Variants in APBB1IP observed in about 807,000 individuals in gnomAD.
APBB1IP encodes the protein amyloid beta A4 precursor protein-binding family B member 1-interacting protein.
Under a neutral mutation model 64.9 loss-of-function variants are expected in APBB1IP, and 27 were observed. The observed-to-expected ratio is 0.42, with a 90% CI of 0.31 to 0.57. APBB1IP has a LOEUF of 0.57. Among genes scored for constraint, APBB1IP ranks in the 20% least tolerant of loss-of-function variants. APBB1IP has a pLI of 0.20. For missense variants in APBB1IP, 812 were observed against 845.5 expected (o/e 0.96, Z 0.49); for synonymous variants, 392 against 331.0 (o/e 1.18, Z -2.00).
At chr10:26,489,087 C>T (rs561641378) in intron 2 of APBB1IP, among the ~76,000 whole-genome samples, 1 of 152,334 alleles carries the variant, frequency 6.6e-6, no homozygotes, top group East Asian at 1.9e-4. Flanking sequence ...CAAGACACCT[C>T]CTACACTGGA....
intron 7 of APBB1IP, among the ~76,000 whole-genome samples, chr10:26,512,447 G>C (rs1836273077): frequency 6.6e-6 from 1 of 152,118 alleles, no homozygotes; most frequent in African/African-American, 2.4e-5. Context: ...CCTCCCACAA[G>C]TGCTCATTTC....
At chr10:26,505,391 T>C (rs1353639717) in intron 6 of APBB1IP, among the ~76,000 whole-genome samples, 1 of 152,172 alleles carries the variant, frequency 6.6e-6, no homozygotes, top group Admixed American at 6.5e-5. Flanking sequence ...AGTCCATCAT[T>C]GGAACTCCAC....
At chr10:26,473,580 C>G (rs1026735920) in intron 2 of APBB1IP, among the ~76,000 whole-genome samples, 6 of 152,216 alleles carry the variant, frequency 3.9e-5, no homozygotes. Flanking sequence ...CAATTGGATC[C>G]TGCTTCACTC....
At chr10:26,476,964 C>T (rs900175699) in intron 2 of APBB1IP, among the ~76,000 whole-genome samples, 2 of 152,060 alleles carry the variant, frequency 1.3e-5, no homozygotes, top group Non-Finnish European at 2.9e-5. Context: ...CCATGCCTGG[C>T]TAATTTTTGT....
At chr10:26,461,973 G>T (rs1026702991) in intron 2 of APBB1IP, among the ~76,000 whole-genome samples, 4 of 152,106 alleles carry the variant, frequency 2.6e-5, no homozygotes, top group Non-Finnish European at 5.9e-5. Flanking sequence ...CTCTTGAATT[G>T]TTTATGTAGA....
chr10:26,476,712 G>A (rs1289893666), intron 2 of APBB1IP, among the ~76,000 whole-genome samples: 3 of 152,102 alleles, frequency 2.0e-5, no homozygotes, highest in African/African-American at 2.4e-5. Context: ...CTCAGTAAAT[G>A]TTATGTGATT....
At chr10:26,497,227 A>G (rs962015812) in intron 4 of APBB1IP, among the ~76,000 whole-genome samples, 2 of 151,980 alleles carry the variant, frequency 1.3e-5, no homozygotes, top group African/African-American at 2.4e-5. Context: ...TTAAATGGAG[A>G]CATCTTTAGG....
intron 2 of APBB1IP, among the ~76,000 whole-genome samples, chr10:26,478,277 G>A (rs1035128950): frequency 1.3e-5 from 2 of 152,202 alleles, no homozygotes; most frequent in African/African-American, 2.4e-5. Flanking sequence ...CACAGGGTTC[G>A]AGTTACAGCT....
At chr10:26,491,997 G>C (rs571039113) in intron 2 of APBB1IP, among the ~76,000 whole-genome samples, 1 of 152,202 alleles carries the variant, frequency 6.6e-6, no homozygotes, top group Admixed American at 6.5e-5. Flanking sequence ...CCTGACCTCA[G>C]GTGATCTGCC....
intron 2 of APBB1IP, among the ~76,000 whole-genome samples, chr10:26,483,429 C>T (rs1016225307): frequency 6.6e-6 from 1 of 152,138 alleles, no homozygotes; most frequent in African/African-American, 2.4e-5. Context: ...ATGCACGTAA[C>T]GCACCAGGAC....
At chr10:26,467,891 C>T (rs1057084413) in intron 2 of APBB1IP, among the ~76,000 whole-genome samples, 7 of 152,168 alleles carry the variant, frequency 4.6e-5, no homozygotes, top group Admixed American at 4.6e-4. Context: ...GTCTCGTAAT[C>T]GCTTATGAGA....
chr10:26,520,507 C>CAAATAA (rs1483862125), intron 8 of APBB1IP, among the ~76,000 whole-genome samples: 3 of 152,204 alleles, frequency 2.0e-5, no homozygotes. Context: ...TAACAGACGT[C>CAAATAA]TTTTACAAAT....
intron 8 of APBB1IP, among the ~76,000 whole-genome samples, chr10:26,525,233 G>A (rs1168852015): frequency 6.6e-6 from 1 of 151,890 alleles, no homozygotes; most frequent in Non-Finnish European, 1.5e-5. Context: ...AGTGGGCCGT[G>A]ATCATGCCAT....
chr10:26,512,610 G>C lies in APBB1IP; in HGVS notation c.691+704G>C, dbSNP rs188109229. The stretch of plus-strand genomic sequence containing the variant: ...AGATATACTGTTACTTATTCTTGGT[G>C]GTGGTGGTGGTGTTGAGACAGGGTC... On this transcript the variant is annotated intron_variant, in intron 7 of 14. Coordinates refer to ENST00000376236, the MANE Select transcript of APBB1IP (RefSeq NM_019043.4). Among the ~76,000 whole-genome samples the C allele has an allele frequency of 1.6e-3, 251 of 152,212 alleles. 1 individual carries two copies. Among genetic ancestry groups the C allele is most frequent in the Middle Eastern group, 3.4e-3 (1 of 294 alleles).
intron 11 of APBB1IP, among the ~76,000 whole-genome samples, chr10:26,557,397 G>A (rs931985549): frequency 1.3e-5 from 2 of 152,238 alleles, no homozygotes; most frequent in African/African-American, 2.4e-5. Flanking sequence ...TCGAGCAATG[G>A]AGATGCAATT....
intron 11 of APBB1IP, among the ~76,000 whole-genome samples, chr10:26,543,328 G>A (rs1484395993): frequency 1.3e-5 from 2 of 151,856 alleles, no homozygotes; most frequent in Non-Finnish European, 1.5e-5. Context: ...GTAGCTGGGC[G>A]TGGTGGTGCA....
chr10:26,461,525 G>C (rs903855323), intron 2 of APBB1IP, among the ~76,000 whole-genome samples: 1 of 151,696 alleles, frequency 6.6e-6, no homozygotes, highest in East Asian at 1.9e-4. Context: ...TATTACTTAG[G>C]AATAATCTTT....
chr10:26,526,348 T>G (rs1836473145), intron 8 of APBB1IP, among the ~76,000 whole-genome samples: 1 of 152,236 alleles, frequency 6.6e-6, no homozygotes. Flanking sequence ...TGTAAGATTG[T>G]GCCTCAAGTA....
At chr10:26,448,528 A>G (rs1169971488) in intron 2 of APBB1IP, among the ~76,000 whole-genome samples, 2 of 152,228 alleles carry the variant, frequency 1.3e-5, no homozygotes, top group African/African-American at 4.8e-5. Flanking sequence ...ATCCTATACT[A>G]TGTGTTGACT....
Sources: gnomAD v4.1 joint callset for allele counts (sites outside exome capture counted in the v4.1 genomes callset) on GRCh38, gnomAD v4.1.1 for gene constraint, MANE v1.5 for transcripts, NCBI Gene and HGNC (gene_info 2026-07-23, HGNC 2026-07-21) for gene names.